CHRM3: variants seen among roughly 807,000 people sequenced by gnomAD.
CHRM3 encodes the protein cholinergic receptor muscarinic 3.
Under a neutral mutation model 41.8 loss-of-function variants are expected in CHRM3, and 11 were observed. The ratio of observed to expected loss-of-function variants is 0.26; its 90% CI spans 0.17 to 0.44. The LOEUF is 0.44. Among genes scored for constraint, CHRM3 ranks in the 20% least tolerant of loss-of-function variants. CHRM3 has a pLI of 1.00. For synonymous variants in CHRM3, 297 were observed against 301.4 expected, an observed-to-expected ratio of 0.99 and a Z score of 0.15; for missense variants, 571 against 745.4, an observed-to-expected ratio of 0.77 and a Z score of 2.72.
chr1:239,641,342 T>G (rs1263233022), intron 4 of CHRM3, among the ~76,000 whole-genome samples: 1 of 151,404 alleles, frequency 6.6e-6, no homozygotes, highest in African/African-American at 2.4e-5. Flanking sequence ...GTCTCATTGA[T>G]CTGTCTAATG....
At chr1:239,415,754 T>C (rs1168688735) in intron 1 of CHRM3, among the ~76,000 whole-genome samples, 3 of 152,180 alleles carry the variant, frequency 2.0e-5, no homozygotes, top group Non-Finnish European at 2.9e-5. Context: ...TTTTTCAGTG[T>C]AGTCTTCTAA....
At chr1:239,520,197 G>T (rs1278877751) in intron 2 of CHRM3, among the ~76,000 whole-genome samples, 1 of 152,116 alleles carries the variant, frequency 6.6e-6, no homozygotes, top group Non-Finnish European at 1.5e-5. Context: ...AGACATTTAA[G>T]TTGAAATCAG....
At chr1:239,643,540 G>A (rs1671432258) in intron 4 of CHRM3, among the ~76,000 whole-genome samples, 1 of 152,190 alleles carries the variant, frequency 6.6e-6, no homozygotes, top group African/African-American at 2.4e-5. Context: ...CTAGTAATCA[G>A]CGAGACTCCG....
intron 5 of CHRM3, among the ~76,000 whole-genome samples, chr1:239,701,771 C>A (rs1660709965): frequency 6.6e-6 from 1 of 152,138 alleles, no homozygotes; most frequent in Non-Finnish European, 1.5e-5. Flanking sequence ...TTGTTCTATG[C>A]AGCCTGGACT....
At chr1:239,515,634 T>A (rs1232495377) in intron 2 of CHRM3, among the ~76,000 whole-genome samples, 1 of 152,190 alleles carries the variant, frequency 6.6e-6, no homozygotes, top group Non-Finnish European at 1.5e-5. Context: ...CAAACAATTA[T>A]TGTGAGAAAT....
intron 5 of CHRM3, among the ~76,000 whole-genome samples, chr1:239,711,060 A>G (rs1306081113): frequency 6.6e-6 from 1 of 152,186 alleles, no homozygotes; most frequent in Non-Finnish European, 1.5e-5. Flanking sequence ...GTTTCCAGGT[A>G]GCATAAGTGA....
chr1:239,700,811 C>G (rs916503037), intron 5 of CHRM3, among the ~76,000 whole-genome samples: 1 of 152,108 alleles, frequency 6.6e-6, no homozygotes, highest in Non-Finnish European at 1.5e-5. Context: ...AGTTACCTAG[C>G]GGCTTTGGGA....
chr1:239,391,658 G>T (rs936033347), intron 1 of CHRM3, among the ~76,000 whole-genome samples: 11 of 152,076 alleles, frequency 7.2e-5, no homozygotes, highest in Non-Finnish European at 8.8e-5. Context: ...CAGACCTAGG[G>T]TCCAGTAGTG....
chr1:239,667,585 C>T (rs560604326), intron 4 of CHRM3, among the ~76,000 whole-genome samples: 37 of 152,260 alleles, frequency 2.4e-4, no homozygotes, highest in Admixed American at 2.2e-3. Context: ...TTAGACTCCA[C>T]GAAGAAACTG....
intron 5 of CHRM3, among the ~76,000 whole-genome samples, chr1:239,759,168 T>TTG (rs1666497429): frequency 1.5e-5 from 2 of 136,716 alleles, no homozygotes; most frequent in Admixed American, 7.3e-5. Context: ...TTTTTTTTTT[T>TTG]GTTTTTTTTT....
intron 1 of CHRM3, among the ~76,000 whole-genome samples, chr1:239,486,015 C>A (rs1667162421): frequency 6.6e-6 from 1 of 152,196 alleles, no homozygotes; most frequent in South Asian, 2.1e-4. Flanking sequence ...TGAACTAATG[C>A]AATAGCTCTG....
At position 239,722,118 on chromosome 1, in the gene CHRM3, A is replaced by T. The variant is rs570462044; in HGVS notation, c.-147+43830A>T. On this transcript the variant is annotated intron_variant, in intron 5 of 6. Transcript: ENST00000676153. ...TGATCTTCTCCTCCATAAATCATTC[A>T]GTTCCTTTAATGTTCCAGCCAAAGT... Among the ~76,000 whole-genome samples, 3 of 152,060 alleles carry T rather than the reference A, an allele frequency of 2.0e-5. No homozygotes were observed. In the South Asian group the frequency reaches 6.2e-4, roughly 31 times the overall value.
At chr1:239,732,273 A>G (rs1664034674) in intron 5 of CHRM3, among the ~76,000 whole-genome samples, 1 of 148,426 alleles carries the variant, frequency 6.7e-6, no homozygotes, top group African/African-American at 2.5e-5. Flanking sequence ...CTAATATCTC[A>G]TTTAGATAAG....
At chr1:239,893,148 G>A (rs1489298064) in intron 6 of CHRM3, among the ~76,000 whole-genome samples, 1 of 152,148 alleles carries the variant, frequency 6.6e-6, no homozygotes, top group Non-Finnish European at 1.5e-5. Flanking sequence ...AGGATTAAAT[G>A]AATTAATATG....
At chr1:239,560,049 A>C (rs1268803137) in intron 3 of CHRM3, among the ~76,000 whole-genome samples, 1 of 152,224 alleles carries the variant, frequency 6.6e-6, no homozygotes, top group Non-Finnish European at 1.5e-5. Flanking sequence ...GAAGTATGGC[A>C]TTTTGTGTGC....
intron 3 of CHRM3, among the ~76,000 whole-genome samples, chr1:239,549,984 GGTGA>G (rs1179462199): frequency 6.6e-6 from 1 of 151,746 alleles, no homozygotes; most frequent in Non-Finnish European, 1.5e-5. Context: ...CCAAGCAGAA[GGTGA>G]GTCCTTTAAG....
chr1:239,726,916 G>A (rs375027158), intron 5 of CHRM3, among the ~76,000 whole-genome samples: 23 of 151,892 alleles, frequency 1.5e-4, no homozygotes, highest in African/African-American at 3.1e-4. Flanking sequence ...ACTTAAAATC[G>A]TAAATGTTCT....
chr1:239,813,903 C>T (rs1389596575), intron 5 of CHRM3, among the ~76,000 whole-genome samples: 22 of 90,630 alleles, frequency 2.4e-4, no homozygotes, highest in South Asian at 3.9e-4. Context: ...GGCGACAGAG[C>T]GAGACTCCGT....
intron 4 of CHRM3, among the ~76,000 whole-genome samples, chr1:239,641,212 G>T (rs1380463318): frequency 6.6e-6 from 1 of 152,134 alleles, no homozygotes; most frequent in Non-Finnish European, 1.5e-5. Flanking sequence ...GAATCGGTGT[G>T]GTGCGGTGCT....
Sources: gnomAD v4.1 joint callset for allele counts (sites outside exome capture counted in the v4.1 genomes callset) on GRCh38, gnomAD v4.1.1 for gene constraint, MANE v1.5 for transcripts, NCBI Gene and HGNC (gene_info 2026-07-23, HGNC 2026-07-21) for gene names.